The following DNER variants were observed in gnomAD, a reference collection of about 807,000 sequenced individuals.
DNER encodes the protein delta/notch like EGF repeat containing.
In DNER, 33 loss-of-function variants were observed where a neutral mutation model predicts 78.2. The observed-to-expected ratio is 0.42, with a 90% CI of 0.32 to 0.56. The LOEUF (loss-of-function observed/expected upper bound fraction) is 0.56, where lower values mean the gene tolerates loss of function less well. DNER is among the 20% of genes least tolerant of loss of function. The probability of loss-of-function intolerance (pLI) is 0.11; values close to 1 mark genes in which losing one functional copy is unlikely to be tolerated. For synonymous variants in DNER, 417 were observed against 384.8 expected (o/e 1.08, Z -0.98); for missense variants, 918 against 975.3 (o/e 0.94, Z 0.78).
intron 1 of DNER, among the ~76,000 whole-genome samples, chr2:229,609,586 A>G (rs1211504240): frequency 2.0e-5 from 3 of 152,178 alleles, no homozygotes; most frequent in African/African-American, 7.2e-5. Flanking sequence ...CACAACGCTG[A>G]AAATATTAAC....
chr2:229,643,328 A>G (rs1479839635), intron 1 of DNER, among the ~76,000 whole-genome samples: 2 of 152,198 alleles, frequency 1.3e-5, no homozygotes, highest in African/African-American at 2.4e-5. Flanking sequence ...CCCAGTGAAT[A>G]CTGTGATGAC....
intron 6 of DNER, among the ~76,000 whole-genome samples, chr2:229,510,217 T>C (rs1014167719): frequency 2.6e-5 from 4 of 152,220 alleles, no homozygotes; most frequent in Non-Finnish European, 5.9e-5. Flanking sequence ...CATATCCTGG[T>C]GCAGAATGAG....
chr2:229,587,822 T>A (rs2154214523), intron 3 of DNER, among the ~76,000 whole-genome samples: 2 of 152,110 alleles, frequency 1.3e-5, no homozygotes, highest in South Asian at 4.2e-4. Flanking sequence ...ACATATCAGG[T>A]CTCAACCAGC....
intron 1 of DNER, among the ~76,000 whole-genome samples, chr2:229,675,870 C>T (rs1219196804): frequency 6.6e-6 from 1 of 152,170 alleles, no homozygotes; most frequent in Non-Finnish European, 1.5e-5. Context: ...ATGAAGTCCA[C>T]CTCCCAGGAG....
intron 1 of DNER, among the ~76,000 whole-genome samples, chr2:229,611,858 C>T (rs183757260): frequency 1.4e-3 from 215 of 152,298 alleles, no homozygotes; most frequent in Non-Finnish European, 2.2e-3. Flanking sequence ...CACACAGTGT[C>T]GGTGGGATGT....
chr2:229,409,652 G>A (rs745603496), intron 9 of DNER, among the ~76,000 whole-genome samples: 2 of 152,066 alleles, frequency 1.3e-5, no homozygotes, highest in Admixed American at 6.6e-5. Flanking sequence ...TTTGGAGGGC[G>A]GGGAGACAAT....
At chr2:229,577,904 A>G (rs1697331252) in intron 4 of DNER, among the ~76,000 whole-genome samples, 1 of 152,326 alleles carries the variant, frequency 6.6e-6, no homozygotes, top group Admixed American at 6.5e-5. Flanking sequence ...GAATATTCCA[A>G]AAATTTAAGT....
chr2:229,612,441 G>A (rs2154215221), intron 1 of DNER, among the ~76,000 whole-genome samples: 1 of 152,340 alleles, frequency 6.6e-6, no homozygotes, highest in South Asian at 2.1e-4. Context: ...ATCTGGTAGA[G>A]CCAGCCACAG....
intron 8 of DNER, among the ~76,000 whole-genome samples, chr2:229,443,906 C>CT (rs1694286138): frequency 6.6e-6 from 1 of 152,138 alleles, no homozygotes. Flanking sequence ...GTTAAGATGC[C>CT]TTTTTTATTT....
chr2:229,633,766 C>T (rs1307466223), intron 1 of DNER, among the ~76,000 whole-genome samples: 1 of 152,192 alleles, frequency 6.6e-6, no homozygotes, highest in African/African-American at 2.4e-5. Context: ...CACCCTGTTT[C>T]CCGGCACCAC....
intron 5 of DNER, among the ~76,000 whole-genome samples, chr2:229,536,872 C>A (rs150443764): frequency 8.5e-4 from 129 of 152,322 alleles, no homozygotes; most frequent in African/African-American, 2.9e-3. Context: ...CATGGGAATT[C>A]TCTTTCCCCA....
At chr2:229,461,417 T>TA (rs1559357908) in intron 7 of DNER, among the ~76,000 whole-genome samples, 1 of 151,990 alleles carries the variant, frequency 6.6e-6, no homozygotes, top group Admixed American at 6.6e-5. Flanking sequence ...GTGTTTTTTT[T>TA]AAAATTCCCC....
At chr2:229,487,699 AG>A (rs1695306533) in intron 6 of DNER, among the ~76,000 whole-genome samples, 1 of 152,260 alleles carries the variant, frequency 6.6e-6, no homozygotes, top group Admixed American at 6.5e-5. Flanking sequence ...TTCACTCTTC[AG>A]AAAGAATTTT....
At chr2:229,520,721 T>G (rs78181333) in intron 5 of DNER, among the ~76,000 whole-genome samples, 4,018 of 152,260 alleles carry the variant, frequency 0.026, 205 homozygotes, top group African/African-American at 0.092. Context: ...CTCTTCCCCA[T>G]GGAATCTGCC....
intron 1 of DNER, among the ~76,000 whole-genome samples, chr2:229,650,861 G>T (rs1219596919): frequency 1.3e-5 from 2 of 152,170 alleles, no homozygotes; most frequent in Non-Finnish European, 2.9e-5. Context: ...GGACGCATCG[G>T]GTGGGCAGCT....
chr2:229,588,296 T>C, intron 3 of DNER, 98 bp downstream of exon 3: 1 of 1,089,486 alleles, frequency 9.2e-7, no homozygotes, highest in Non-Finnish European at 1.4e-6. Flanking sequence ...CGATTCTCAC[T>C]TGACAGGCCA....
intron 5 of DNER, among the ~76,000 whole-genome samples, chr2:229,526,636 T>G (rs937793846): frequency 7.9e-5 from 12 of 152,202 alleles, no homozygotes; most frequent in African/African-American, 2.9e-4. Context: ...CAACAGGGTT[T>G]GCGCTCCTAT....
chr2:229,614,397 A>G (rs1698113771), intron 1 of DNER, among the ~76,000 whole-genome samples: 1 of 152,126 alleles, frequency 6.6e-6, no homozygotes, highest in Non-Finnish European at 1.5e-5. Flanking sequence ...ATGAAACACA[A>G]AAAGATGGAA....
chr2:229,483,596 T>A (rs1009476873), intron 6 of DNER, among the ~76,000 whole-genome samples: 1 of 152,170 alleles, frequency 6.6e-6, no homozygotes, highest in African/African-American at 2.4e-5. Context: ...ATCATTATAG[T>A]GTTTAAGTTT....
Sources: gnomAD v4.1 joint callset for allele counts (sites outside exome capture counted in the v4.1 genomes callset) on GRCh38, gnomAD v4.1.1 for gene constraint, MANE v1.5 for transcripts, NCBI Gene and HGNC (gene_info 2026-07-23, HGNC 2026-07-21) for gene names.